The following REV3L variants were observed in gnomAD, a reference collection of about 807,000 sequenced individuals.
The protein encoded by REV3L is REV3 like, DNA directed polymerase zeta catalytic subunit.
In REV3L, 69 loss-of-function variants were observed where a neutral mutation model predicts 299.4. The observed-to-expected ratio is 0.23, with a 90% CI of 0.19 to 0.28. The LOEUF (loss-of-function observed/expected upper bound fraction) is 0.28, where lower values mean the gene tolerates loss of function less well. Ranked by LOEUF, REV3L falls within the 10% of genes least tolerant of loss-of-function variation. REV3L has a pLI of 1.00. For synonymous variants in REV3L, 1,238 were observed against 1,271.4 expected, an observed-to-expected ratio of 0.97 and a Z score of 0.56; for missense variants, 3,128 against 3,693.8, an observed-to-expected ratio of 0.85 and a Z score of 3.97.
intron 22 of REV3L, 126 bp from the exon 23 acceptor site, chr6:111,333,493 A>G: frequency 8.7e-7 from 1 of 1,145,596 alleles, no homozygotes; most frequent in Non-Finnish European, 1.2e-6. Flanking sequence ...TTTTTTTTTG[A>G]GACAGTGTTT....
intron 21 of REV3L, among the ~76,000 whole-genome samples, chr6:111,336,922 C>T (rs572704727): frequency 6.6e-6 from 1 of 152,272 alleles, no homozygotes; most frequent in Non-Finnish European, 1.5e-5. Context: ...CAAAAGATTA[C>T]ATATTGCACG....
intron 1 of REV3L, among the ~76,000 whole-genome samples, chr6:111,462,176 G>A (rs191927815): frequency 6.6e-6 from 1 of 152,230 alleles, no homozygotes; most frequent in East Asian, 1.9e-4. Flanking sequence ...TATCTGGTCT[G>A]CAACCATCTC....
chr6:111,482,951 G>A lies in REV3L; in HGVS notation c.-63C>T, dbSNP rs1390589430. On this transcript the variant is annotated 5_prime_UTR_variant, in exon 1 of 32. Coordinates refer to ENST00000368802, the MANE Select transcript of REV3L (RefSeq NM_001372078.1). ...CCCGGCAGCGGCAGCAGCAGCGGCG[G>A]CGGCTCCCTCCGCAGCGGCGGCGGC... The A allele has an allele frequency of 6.2e-6, 9 of 1,452,492 alleles. No homozygotes were observed. The highest frequency in any genetic ancestry group is 1.5e-5 in the African/African-American group (1 of 66,574). 90.0% of individuals were successfully genotyped at this position (1,452,492 alleles called of 1,614,324 possible).
intron 15 of REV3L, among the ~76,000 whole-genome samples, chr6:111,364,530 T>C (rs1036422652): frequency 2.0e-5 from 3 of 152,060 alleles, no homozygotes; most frequent in Non-Finnish European, 4.4e-5. Flanking sequence ...CAAAGTGTTA[T>C]GTTCACAACA....
Position 111,299,930 on chromosome 6 carries a change from C to G in REV3L, c.*86G>C. On this transcript the variant is annotated 3_prime_UTR_variant, in exon 32 of 32. Transcript: ENST00000368802. ...TAACAGACAGTGAACATCCTTGACTCGATGAAAGTTAAAAAGCACCATGCA... is the reference window on the plus strand; with the variant it reads ...TAACAGACAGTGAACATCCTTGACTGGATGAAAGTTAAAAAGCACCATGCA... The G allele has an allele frequency of 7.6e-7, 1 of 1,313,512 alleles. No individual in the cohort carries two copies. Among genetic ancestry groups the G allele is most frequent in the Admixed American group, 2.3e-5 (1 of 42,664 alleles). The allele number at this position is 1,313,512 out of a possible 1,614,324, so 81.4% of individuals were successfully genotyped here.
Position 111,375,746 on chromosome 6 carries a change from T to C in REV3L, c.2609A>G (p.Asp870Gly). ...AGTTAAATCACTAGCCAATGCATTATCCTTCTCAGGATTACTATTACAAGG... is the reference window on the plus strand; with the variant it reads ...AGTTAAATCACTAGCCAATGCATTACCCTTCTCAGGATTACTATTACAAGG... ...NNPCNSNPEK[D>G]NALASDLTKT... The change falls in exon 13 of 32, where the codon GAT becomes GGT. Residue 870 changes from aspartate (D) to glycine (G), a missense_variant. By Grantham distance (94) the Asp-to-Gly change is moderately conservative. This residue lies in a region of REV3L where 2,409 missense variants were observed against 2,611.8 expected (regional missense o/e 0.92). Transcript: ENST00000368802. 1.2e-6 allele frequency: 2 copies of C among 1,613,876 alleles called. No homozygotes were observed. Among genetic ancestry groups the C allele is most frequent in the East Asian group, 4.5e-5 (2 of 44,870 alleles).
intron 31 of REV3L, among the ~76,000 whole-genome samples, chr6:111,301,766 T>A (rs1022912986): frequency 2.0e-5 from 3 of 152,172 alleles, no homozygotes; most frequent in Non-Finnish European, 4.4e-5. Context: ...TATAATGTTT[T>A]ACACAATGAT....
intron 1 of REV3L, chr6:111,430,570 A>G: frequency 6.4e-7 from 1 of 1,566,496 alleles, no homozygotes; most frequent in Non-Finnish European, 8.8e-7. Context: ...TTCATGGCTG[A>G]CTTGCAGAAA....
chr6:111,415,466 C>T (rs1784662140), intron 2 of REV3L, among the ~76,000 whole-genome samples: 1 of 152,076 alleles, frequency 6.6e-6, no homozygotes, highest in Non-Finnish European at 1.5e-5. Flanking sequence ...GTAGCTGGGG[C>T]CATTCACTCA....
chr6:111,407,613 G>A (rs1783782252), intron 3 of REV3L, among the ~76,000 whole-genome samples: 1 of 152,142 alleles, frequency 6.6e-6, no homozygotes, highest in Non-Finnish European at 1.5e-5. Context: ...AATGGTTGGG[G>A]TAGAAGCCAT....
At chr6:111,445,136 TC>T (rs1788694793) in intron 1 of REV3L, among the ~76,000 whole-genome samples, 1 of 152,128 alleles carries the variant, frequency 6.6e-6, no homozygotes, top group Non-Finnish European at 1.5e-5. Flanking sequence ...ACTTTTGGGG[TC>T]CACTTAAAAA....
chr6:111,309,331 G>A (rs1023202248), intron 30 of REV3L: 1 of 152,328 alleles, frequency 6.6e-6, no homozygotes, highest in Non-Finnish European at 1.5e-5. Context: ...CAGGGAGATG[G>A]TTTTCCCCTG....
chr6:111,387,657 AT>A (rs1781480432), intron 9 of REV3L, 107 bp downstream of exon 9: 4 of 1,111,126 alleles, frequency 3.6e-6, no homozygotes, highest in Non-Finnish European at 5.1e-6. Flanking sequence ...TATCCACAAT[AT>A]TTATTTCATA....
At chr6:111,404,826 C>A (rs1783450946) in intron 4 of REV3L, among the ~76,000 whole-genome samples, 1 of 152,166 alleles carries the variant, frequency 6.6e-6, no homozygotes, top group African/African-American at 2.4e-5. Flanking sequence ...GCTCTGCCTG[C>A]AATATTTTTC....
intron 1 of REV3L, among the ~76,000 whole-genome samples, chr6:111,465,579 CA>C (rs1170626142): frequency 1.3e-5 from 2 of 150,486 alleles, no homozygotes; most frequent in Non-Finnish European, 3.0e-5. Context: ...TCTAAAAATT[CA>C]AAGTTAGCTG....
chr6:111,391,301 A>G (rs2128254810), intron 5 of REV3L, among the ~76,000 whole-genome samples: 1 of 152,144 alleles, frequency 6.6e-6, no homozygotes, highest in African/African-American at 2.4e-5. Context: ...CCTGACCTCA[A>G]GTGATCTGCC....
At chr6:111,338,060 T>C (rs2114867630) in intron 21 of REV3L, among the ~76,000 whole-genome samples, 1 of 152,116 alleles carries the variant, frequency 6.6e-6, no homozygotes, top group Non-Finnish European at 1.5e-5. Flanking sequence ...TTGTAAAACA[T>C]GAGAAAAATA....
rs1272988589 is a variant in REV3L, at chr6:111,422,634, A to G, written c.140-6162T>C. Among the ~76,000 whole-genome samples the G allele has an allele frequency of 6.6e-4, 11 of 16,568 alleles. 1 individual carries two copies. In the South Asian group the frequency reaches 0.014, roughly 21 times the overall value. The allele number at this position is 16,568 out of a possible 152,430, so 10.9% of individuals were successfully genotyped here. ...TATACACATATATATATATATACAC[A>G]TATATATATATATACATATATATAT... On this transcript the variant is annotated intron_variant, in intron 1 of 31. Transcript: ENST00000368802.
intron 18 of REV3L, among the ~76,000 whole-genome samples, chr6:111,352,348 T>C (rs1777656643): frequency 6.6e-6 from 1 of 152,106 alleles, no homozygotes; most frequent in African/African-American, 2.4e-5. Context: ...ATTTGTTTGA[T>C]ACAAGTGGGA....
Sources: gnomAD v4.1 joint callset for allele counts (sites outside exome capture counted in the v4.1 genomes callset) on GRCh38, gnomAD v4.1.1 for gene constraint, gnomAD v4.1.1 regional missense constraint, MANE v1.5 for transcripts, NCBI Gene and HGNC (gene_info 2026-07-23, HGNC 2026-07-21) for gene names.